ULK2: variants seen among roughly 807,000 people sequenced by gnomAD.
ULK2 encodes the protein unc-51 like autophagy activating kinase 2, also known as serine/threonine-protein kinase ULK2.
A neutral mutation model predicts 127.5 loss-of-function variants in ULK2; 76 were observed. The observed-to-expected ratio is 0.60, with a 90% confidence interval of 0.50 to 0.72. ULK2 has a LOEUF of 0.72. Among genes scored for constraint, ULK2 ranks in the 30% least tolerant of loss-of-function variants. The probability of loss-of-function intolerance (pLI) is 0.00; values close to 1 mark genes in which losing one functional copy is unlikely to be tolerated. For missense variants in ULK2, 1,144 were observed against 1,295.9 expected (o/e 0.88, Z 1.80); for synonymous variants, 452 against 461.9 (o/e 0.98, Z 0.28).
chr17:19,806,990 A>G (rs1390798014), intron 14 of ULK2, among the ~76,000 whole-genome samples: 2 of 152,196 alleles, frequency 1.3e-5, no homozygotes, highest in African/African-American at 2.4e-5. Flanking sequence ...GGAAATCCCC[A>G]GTTGCCTCTT....
At chr17:19,806,674 C>T (rs1316879099) in intron 14 of ULK2, among the ~76,000 whole-genome samples, 2 of 152,172 alleles carry the variant, frequency 1.3e-5, no homozygotes, top group Non-Finnish European at 2.9e-5. Context: ...TTAATATTAA[C>T]ACCAATATTT....
At position 19,845,420 on chromosome 17, in the gene ULK2, G is replaced by A. The variant is rs777387364; in HGVS notation, c.470-43C>T. On this transcript the variant is annotated intron_variant, in intron 6 of 26. Transcript: ENST00000395544. ...AAGTAGAAAAGCAAATTACGTCTTC[G>A]CTCATACCTAACATATATCATATGA... 1.1e-5 allele frequency: 15 copies of A among 1,406,334 alleles called. No homozygotes were observed. The Admixed American group carries it at 1.7e-4, about 16-fold the overall frequency. 87.1% of individuals were successfully genotyped at this position (1,406,334 alleles called of 1,614,324 possible). A position where few individuals can be genotyped will look rare whatever the true frequency, so the allele number is the denominator to read the frequency against.
Position 19,782,072 on chromosome 17 carries a change from AGC to A in ULK2, c.2461-7_2461-6del. On this transcript the variant is annotated splice_polypyrimidine_tract_variant and splice_region_variant and intron_variant, in intron 22 of 26. Coordinates refer to ENST00000395544, the MANE Select transcript of ULK2 (RefSeq NM_014683.4). ...TAAGGTGTCTGTGTGTTCCCGCTGCAGCAAAGTCAATTTGTCTTAGAAAATTT... is the reference window on the plus strand; with the variant it reads ...TAAGGTGTCTGTGTGTTCCCGCTGCAAAAGTCAATTTGTCTTAGAAAATTT... 6.2e-7 allele frequency: 1 copy of A among 1,612,800 alleles called. No individual in the cohort carries two copies. The highest frequency in any genetic ancestry group is 1.1e-5 in the South Asian group (1 of 90,862).
intron 3 of ULK2, among the ~76,000 whole-genome samples, chr17:19,855,532 G>A (rs1215854181): frequency 2.0e-5 from 3 of 149,678 alleles, no homozygotes; most frequent in Non-Finnish European, 3.0e-5. Context: ...TCCGAGAGGC[G>A]GAGGTTGTAG....
intron 26 of ULK2, 49 bp downstream of exon 26, chr17:19,777,532 G>C (rs1419181689): frequency 6.4e-7 from 1 of 1,558,028 alleles, no homozygotes; most frequent in Non-Finnish European, 8.7e-7. Context: ...GCTTGTGATA[G>C]ACAACTAAAA....
intron 14 of ULK2, among the ~76,000 whole-genome samples, chr17:19,805,629 A>T (rs1206829730): frequency 6.6e-6 from 1 of 152,212 alleles, no homozygotes; most frequent in Non-Finnish European, 1.5e-5. Context: ...ATTGCAGCAT[A>T]TCCCAGACTC....
At chr17:19,837,384 G>A (rs1297215170) in intron 10 of ULK2, among the ~76,000 whole-genome samples, 1 of 151,794 alleles carries the variant, frequency 6.6e-6, no homozygotes, top group Non-Finnish European at 1.5e-5. Context: ...TAGTACCACT[G>A]CACTCCAGCC....
Position 19,772,632 on chromosome 17 carries a change from C to T in ULK2, c.*3717G>A, listed in dbSNP as rs1341039694. On this transcript the variant is annotated 3_prime_UTR_variant, in exon 27 of 27. Coordinates refer to ENST00000395544, the MANE Select transcript of ULK2 (RefSeq NM_014683.4). ...ACTGCTTATAGAAAATACGAGGGAGCATAGTTTAAAAAGTGTGAAGTCCTC... is the reference window on the plus strand; with the variant it reads ...ACTGCTTATAGAAAATACGAGGGAGTATAGTTTAAAAAGTGTGAAGTCCTC... The T allele has an allele frequency of 6.6e-6, 1 of 152,204 alleles. No individual in the cohort carries two copies. Among genetic ancestry groups the T allele is most frequent in the African/African-American group, 2.4e-5 (1 of 41,448 alleles). 9.4% of individuals were successfully genotyped at this position (152,204 alleles called of 1,614,324 possible).
At position 19,843,112 on chromosome 17, in the gene ULK2, T is replaced by A. The variant is rs200532603; in HGVS notation, c.645+9A>T. 6.2e-7 allele frequency: 1 copy of A among 1,608,390 alleles called. No homozygotes were observed. Among genetic ancestry groups the A allele is most frequent in the South Asian group, 1.1e-5 (1 of 90,896 alleles). ...CAAAACTGAGGACATAAGAAAAAAG[T>A]CAGCCTACCTGAAAAGGTGGTTTTC... On this transcript the variant is annotated intron_variant, in intron 8 of 26. Coordinates refer to ENST00000395544, the MANE Select transcript of ULK2 (RefSeq NM_014683.4).
chr17:19,813,341 A>G (rs1271496270), intron 13 of ULK2, among the ~76,000 whole-genome samples: 1 of 152,198 alleles, frequency 6.6e-6, no homozygotes, highest in African/African-American at 2.4e-5. Context: ...TACTCAGAGA[A>G]AAAGAACTTC....
chr17:19,820,053 A>AT (rs370116805), intron 12 of ULK2, among the ~76,000 whole-genome samples: 1,999 of 19,266 alleles, frequency 0.1, 62 homozygotes, highest in African/African-American at 0.15. Flanking sequence ...AACTTTATTT[A>AT]TTTTTTTTTT....
At chr17:19,849,000 T>C (rs2041957031) in intron 5 of ULK2, among the ~76,000 whole-genome samples, 1 of 152,194 alleles carries the variant, frequency 6.6e-6, no homozygotes, top group Non-Finnish European at 1.5e-5. Flanking sequence ...CCTTCTTGGA[T>C]ATATTTTTCC....
At chr17:19,790,153 A>C (rs1320314876) in intron 20 of ULK2, among the ~76,000 whole-genome samples, 1 of 152,184 alleles carries the variant, frequency 6.6e-6, no homozygotes, top group Non-Finnish European at 1.5e-5. Context: ...GTGGTGGCTC[A>C]AGCCTGTAAT....
chr17:19,834,182 G>A (rs2041533748), intron 10 of ULK2, among the ~76,000 whole-genome samples: 1 of 151,656 alleles, frequency 6.6e-6, no homozygotes, highest in Non-Finnish European at 1.5e-5. Context: ...GTACTGGCTG[G>A]AGAAAATCCT....
intron 22 of ULK2, among the ~76,000 whole-genome samples, chr17:19,782,385 T>A (rs2086938399): frequency 6.6e-6 from 1 of 152,184 alleles, no homozygotes; most frequent in Non-Finnish European, 1.5e-5. Flanking sequence ...GACAAAAACG[T>A]GACAAGGTAG....
intron 3 of ULK2, among the ~76,000 whole-genome samples, chr17:19,864,309 A>AAC (rs1268695612): frequency 4.6e-5 from 7 of 151,910 alleles, no homozygotes; most frequent in African/African-American, 1.2e-4. Flanking sequence ...CTCTATGAAA[A>AAC]ACACACACAC....
chr17:19,857,307 C>CAA (rs11351804), intron 3 of ULK2, among the ~76,000 whole-genome samples: 13 of 72,766 alleles, frequency 1.8e-4, no homozygotes, highest in South Asian at 8.4e-4. Flanking sequence ...GACTCTGTCT[C>CAA]AAAAAAAAAA....
Position 19,846,855 on chromosome 17 carries a change from A to G in ULK2, c.351T>C (p.Ala117=), listed in dbSNP as rs56407718. 2.0e-3 allele frequency: 3,166 copies of G among 1,613,980 alleles called. 78 individuals are homozygous for G. The East Asian group carries it at 0.055, about 28-fold the overall frequency. ...TIRVFLHQIA[A]AMRILHSKGI... The stretch of plus-strand genomic sequence containing the variant: ...CTTTGCTGTGCAGGATTCGCATGGC[A>G]GCAGCAATCTGATGCAGAAACACTC... The change falls in exon 6 of 27, where the codon GCT becomes GCC. Residue 117 remains alanine, a synonymous_variant. Transcript: ENST00000395544.
chr17:19,867,275 C>A, intron 1 of ULK2, 53 bp downstream of exon 1: 1 of 1,444,272 alleles, frequency 6.9e-7, no homozygotes, highest in African/African-American at 1.5e-5. Context: ...TTCAGAACCA[C>A]CTAGCCCCGT....
Sources: allele counts gnomAD v4.1 joint callset (sites outside exome capture counted in the v4.1 genomes callset), GRCh38; gene constraint gnomAD v4.1.1; transcripts MANE v1.5; gene names NCBI Gene and HGNC (gene_info 2026-07-23, HGNC 2026-07-21).